The following EML1 variants were observed in gnomAD, a reference collection of about 807,000 sequenced individuals.
EML1 encodes echinoderm microtubule-associated protein-like 1.
EML1 carries 27 observed loss-of-function variants against 110.4 expected under a neutral mutation model. The observed-to-expected ratio is 0.24, with a 90% CI of 0.18 to 0.34. The LOEUF is 0.34. EML1 is among the 10% of genes least tolerant of loss of function. EML1 has a pLI of 1.00. For synonymous variants in EML1, 344 were observed against 385.8 expected (o/e 0.89, Z 1.27); for missense variants, 741 against 1,030.9 (o/e 0.72, Z 3.85).
At chr14:99,840,514 G>A (rs1447025106) in intron 1 of EML1, among the ~76,000 whole-genome samples, 1 of 152,146 alleles carries the variant, frequency 6.6e-6, no homozygotes, top group Non-Finnish European at 1.5e-5. Context: ...GGGGACACTG[G>A]GCATGGGGAC....
rs2057064054 is a variant in EML1, at chr14:99,743,164, G to C, written c.28+5304G>C. 2.0e-5 allele frequency among the ~76,000 whole-genome samples: 3 copies of C among 152,216 alleles called. No homozygotes were observed. The South Asian group carries it at 6.2e-4, about 32-fold the overall frequency. Reference sequence around the variant, plus strand: ...GGGAAACTGAGGCCCAAGAGAAAGAGAGACTGGCTCAGTCACCCAGCGAGG... The same window carrying C: ...GGGAAACTGAGGCCCAAGAGAAAGACAGACTGGCTCAGTCACCCAGCGAGG... On this transcript the variant is annotated intron_variant, in intron 1 of 10. Transcript: ENST00000554479.
rs369703054 is a variant in EML1, at chr14:99,814,637, A to T, written c.67+21094A>T. Among the ~76,000 whole-genome samples the T allele has an allele frequency of 3.4e-4, 52 of 152,350 alleles. 1 individual carries two copies. In the South Asian group the frequency reaches 0.01, roughly 30 times the overall value. Reference sequence around the variant, plus strand: ...CTATAAAACAAAGAATAGATTGCATAATGGATTGTGTGAAAATACAAGTTA... The same window carrying T: ...CTATAAAACAAAGAATAGATTGCATTATGGATTGTGTGAAAATACAAGTTA... On this transcript the variant is annotated intron_variant, in intron 1 of 21. Coordinates refer to ENST00000262233, the MANE Select transcript of EML1 (RefSeq NM_004434.3).
At chr14:99,805,619 C>T (rs1046289693) in intron 1 of EML1, among the ~76,000 whole-genome samples, 1 of 152,046 alleles carries the variant, frequency 6.6e-6, no homozygotes, top group South Asian at 2.1e-4. Flanking sequence ...GGACTATAGG[C>T]ACATGCCACC....
At chr14:99,756,431 A>G (rs1237916774) in intron 1 of EML1, among the ~76,000 whole-genome samples, 1 of 152,194 alleles carries the variant, frequency 6.6e-6, no homozygotes, top group African/African-American at 2.4e-5. Flanking sequence ...GGCCCAGGCA[A>G]AGGCCGCGGG....
At chr14:99,848,861 G>T (rs990724257) in intron 1 of EML1, among the ~76,000 whole-genome samples, 2 of 151,944 alleles carry the variant, frequency 1.3e-5, no homozygotes, top group African/African-American at 4.8e-5. Context: ...TCCTCAGAAG[G>T]CTGAGGTGGG....
At chr14:99,819,868 C>T (rs946450636) in intron 1 of EML1, among the ~76,000 whole-genome samples, 7 of 152,160 alleles carry the variant, frequency 4.6e-5, no homozygotes, top group African/African-American at 1.7e-4. Context: ...TGTTTCTCTG[C>T]GTTTGAAAAT....
rs764107796 is a variant in EML1 at position 99,914,613 on chromosome 14, T to A, written c.1668T>A (p.Ser556=). The A allele has an allele frequency of 3.2e-5, 51 of 1,611,358 alleles. No individual in the cohort carries two copies. The highest frequency in any genetic ancestry group is 4.1e-5 in the Non-Finnish European group (48 of 1,179,498). Residue 556 remains serine (S), a synonymous_variant, in exon 15 of 22, where the codon TCT becomes TCA. Coordinates refer to ENST00000262233, the MANE Select transcript of EML1 (RefSeq NM_004434.3). ...GACTGGCCATCCATGCCTCAAAATCTCAGTTCTTGACCTGTGGGCATGACA... is the reference window on the plus strand; with the variant it reads ...GACTGGCCATCCATGCCTCAAAATCACAGTTCTTGACCTGTGGGCATGACA... ...LWGLAIHASK[S]QFLTCGHDKH...
chr14:99,849,535 A>ATATTTATT (rs1011887178), intron 1 of EML1, among the ~76,000 whole-genome samples: 1 of 140,222 alleles, frequency 7.1e-6, no homozygotes, highest in Non-Finnish European at 1.6e-5. Context: ...GTGTGTATAT[A>ATATTTATT]TATTTATTTA....
intron 8 of EML1, among the ~76,000 whole-genome samples, chr14:99,899,087 C>T (rs181782025): frequency 4.6e-4 from 70 of 152,258 alleles, no homozygotes; most frequent in Admixed American, 4.6e-3. Flanking sequence ...TTTGCAAGCA[C>T]TTCAGCAAGA....
chr14:99,798,444 G>T (rs561156959), intron 1 of EML1, among the ~76,000 whole-genome samples: 5 of 150,030 alleles, frequency 3.3e-5, no homozygotes, highest in African/African-American at 1.2e-4. Flanking sequence ...CCAGGCTGGA[G>T]TGCAGTGGTG....
upstream of EML1, chr14:99,793,218 C>G: frequency 1.9e-6 from 1 of 523,104 alleles, no homozygotes; most frequent in Non-Finnish European, 2.4e-6. Context: ...GAGGCTCGGC[C>G]CCGCCCCGCC....
chr14:99,746,111 A>G (rs2057104612), intron 1 of EML1, among the ~76,000 whole-genome samples: 1 of 152,066 alleles, frequency 6.6e-6, no homozygotes, highest in South Asian at 2.1e-4. Context: ...CCTTTAACCT[A>G]TGTAGTCAAT....
rs1189647162 is a variant in EML1 at position 99,937,851 on chromosome 14, G to A, written c.2130G>A (p.Val710=). ...VPSACKQVVS[V]ETTRDIEWAT... The stretch of plus-strand genomic sequence containing the variant: ...CTGCCTGTAAGCAAGTCGTAAGTGT[G>A]GAAACTACAAGAGACATTGAATGGG... Residue 710 remains valine, a synonymous_variant, in exon 20 of 22, where the codon GTG becomes GTA. Coordinates refer to ENST00000262233, the MANE Select transcript of EML1 (RefSeq NM_004434.3). The A allele has an allele frequency of 6.2e-7, 1 of 1,614,128 alleles. No individual in the cohort carries two copies.
At chr14:99,763,300 T>C (rs1025705878) in intron 1 of EML1, among the ~76,000 whole-genome samples, 1 of 152,234 alleles carries the variant, frequency 6.6e-6, no homozygotes, top group African/African-American at 2.4e-5. Context: ...CTGATGTATG[T>C]TCATGTATGT....
intron 1 of EML1, among the ~76,000 whole-genome samples, chr14:99,807,733 G>T (rs2058004148): frequency 6.6e-6 from 1 of 152,178 alleles, no homozygotes; most frequent in South Asian, 2.1e-4. Flanking sequence ...GGGGAGAGAG[G>T]GTGGAGACGG....
rs2060550283 is a variant in EML1 at position 99,939,771 on chromosome 14, C to T, written c.2323-216C>T. Among the ~76,000 whole-genome samples, 1 of 152,042 alleles carries T rather than the reference C, an allele frequency of 6.6e-6. No individual in the cohort carries two copies. The highest frequency in any genetic ancestry group is 2.1e-4 in the South Asian group (1 of 4,816). On this transcript the variant is annotated intron_variant, in intron 21 of 21. Coordinates refer to ENST00000262233, the MANE Select transcript of EML1 (RefSeq NM_004434.3). The surrounding 1 kb of genome is among the most constrained non-coding windows in gnomAD (Gnocchi z 4.2). Reference sequence around the variant, plus strand: ...AGCATATCTCTCGGCTGAGGGCGGTCATTTGCTCGTGTCTGTCCCCTACCA... The same window carrying T: ...AGCATATCTCTCGGCTGAGGGCGGTTATTTGCTCGTGTCTGTCCCCTACCA...
intron 1 of EML1, among the ~76,000 whole-genome samples, chr14:99,754,636 C>T (rs769894758): frequency 2.6e-5 from 4 of 152,318 alleles, no homozygotes; most frequent in South Asian, 2.1e-4. Flanking sequence ...TCACTTCTTC[C>T]GAGTTTTGTT....
At chr14:99,843,692 A>G (rs765770635) in intron 1 of EML1, among the ~76,000 whole-genome samples, 48 of 152,206 alleles carry the variant, frequency 3.2e-4, no homozygotes, top group Non-Finnish European at 5.0e-4. Flanking sequence ...ACTGAAGTCT[A>G]TGCCTCTTCT....
In EML1 at chr14:99,914,183, C is replaced by T. The variant is rs1011408110; in HGVS notation, c.1499C>T (p.Pro500Leu). 1.2e-6 allele frequency: 2 copies of T among 1,605,470 alleles called. No homozygotes were observed. Among genetic ancestry groups the T allele is most frequent in the Non-Finnish European group, 1.7e-6 (2 of 1,173,286 alleles). The change falls in exon 14 of 22, where the codon CCA becomes CTA. Residue 500 changes from proline (P) to leucine (L), a missense_variant. Coordinates refer to ENST00000262233, the MANE Select transcript of EML1 (RefSeq NM_004434.3). ...TCATATGACTTTTCAATGCAGATTC[C>T]AGAACAGTTTGGTCCAATACGGACA... ...NYQKLRKTEI[P>L]EQFGPIRTVA... is the part of the protein sequence containing the mutation.
Sources: gnomAD v4.1 joint callset for allele counts (sites outside exome capture counted in the v4.1 genomes callset) on GRCh38, gnomAD v4.1.1 for gene constraint, Gnocchi (gnomAD v3.1) non-coding constraint, MANE v1.5 for transcripts, NCBI Gene and HGNC (gene_info 2026-07-23, HGNC 2026-07-21) for gene names.